UBE3C: variants seen among roughly 807,000 people sequenced by gnomAD.
The protein encoded by UBE3C is ubiquitin protein ligase E3C.
Under a neutral mutation model 129.4 loss-of-function variants are expected in UBE3C, and 42 were observed. That is an observed-to-expected ratio of 0.32 (90% CI 0.25 to 0.42). UBE3C has a LOEUF of 0.42. Among genes scored for constraint, UBE3C ranks in the 10% least tolerant of loss-of-function variants. UBE3C has a pLI of 1.00. For synonymous variants in UBE3C, 510 were observed against 492.4 expected (o/e 1.04, Z -0.47); for missense variants, 1,049 against 1,319.1 (o/e 0.80, Z 3.17).
intron 10 of UBE3C, among the ~76,000 whole-genome samples, chr7:157,199,715 C>T (rs1809227029): frequency 6.6e-6 from 1 of 152,088 alleles, no homozygotes; most frequent in Middle Eastern, 3.2e-3. Context: ...AAGTGATCCA[C>T]CCGCCTCAGC....
chr7:157,226,302 C>T (rs1193151234), intron 17 of UBE3C, among the ~76,000 whole-genome samples: 1 of 152,166 alleles, frequency 6.6e-6, no homozygotes, highest in Non-Finnish European at 1.5e-5. Flanking sequence ...GAGAATTATA[C>T]TGTGATAGCA....
At chr7:157,257,414 A>G (rs939582188) in intron 22 of UBE3C, among the ~76,000 whole-genome samples, 25 of 152,188 alleles carry the variant, frequency 1.6e-4, no homozygotes, top group African/African-American at 6.0e-4. Flanking sequence ...GATGGAGTGT[A>G]TATGCTACTG....
chr7:157,244,351 C>G (rs1330622635), intron 18 of UBE3C, among the ~76,000 whole-genome samples: 1 of 152,194 alleles, frequency 6.6e-6, no homozygotes, highest in African/African-American at 2.4e-5. Context: ...TTCCAACTTA[C>G]TAATTCTGAA....
chr7:157,261,170 G>A (rs556686400), intron 22 of UBE3C, among the ~76,000 whole-genome samples: 1 of 151,908 alleles, frequency 6.6e-6, no homozygotes, highest in Admixed American at 6.6e-5. Flanking sequence ...GCCGGGCATG[G>A]TGGTGCATGC....
rs141106567 is a variant in UBE3C, at chr7:157,260,039, C to T, written c.3081+2995C>T. Among the ~76,000 whole-genome samples the T allele has an allele frequency of 3.7e-3, 561 of 152,172 alleles. 5 individuals carry two copies. The highest frequency in any genetic ancestry group is 0.013 in the African/African-American group (532 of 41,528). ...TTCTGGAAGTAATGAATAATAAAGA[C>T]GTATAAACTTAAACGTGTTAGTGAA... On this transcript the variant is annotated intron_variant, in intron 22 of 22. Coordinates refer to ENST00000348165, the MANE Select transcript of UBE3C (RefSeq NM_014671.3).
intron 6 of UBE3C, among the ~76,000 whole-genome samples, chr7:157,181,120 A>G (rs1408840921): frequency 6.6e-6 from 1 of 152,248 alleles, no homozygotes; most frequent in Non-Finnish European, 1.5e-5. Flanking sequence ...ATGCAAGCAA[A>G]CTAGTTAAAT....
intron 1 of UBE3C, among the ~76,000 whole-genome samples, chr7:157,160,899 C>T (rs77446617): frequency 2.0e-5 from 3 of 152,090 alleles, no homozygotes; most frequent in East Asian, 1.9e-4. Flanking sequence ...GTCCATGATG[C>T]GTGTTTGTGC....
chr7:157,225,950 C>CA (rs1236793770), intron 17 of UBE3C, among the ~76,000 whole-genome samples: 2 of 151,006 alleles, frequency 1.3e-5, no homozygotes, highest in Non-Finnish European at 3.0e-5. Context: ...ACCCAGTCTC[C>CA]AAAAAAAAGT....
intron 17 of UBE3C, among the ~76,000 whole-genome samples, chr7:157,227,045 A>T (rs1795897404): frequency 6.6e-6 from 1 of 152,074 alleles, no homozygotes; most frequent in Non-Finnish European, 1.5e-5. Context: ...CTCCCACTTG[A>T]CCCTGGAGGT....
intron 10 of UBE3C, among the ~76,000 whole-genome samples, chr7:157,197,190 T>G (rs1809144543): frequency 6.6e-6 from 1 of 152,244 alleles, no homozygotes; most frequent in Admixed American, 6.5e-5. Flanking sequence ...CAGACAAATT[T>G]TCAACTTATT....
chr7:157,215,195 A>G (rs902560546), intron 13 of UBE3C, among the ~76,000 whole-genome samples: 1 of 152,184 alleles, frequency 6.6e-6, no homozygotes, highest in Non-Finnish European at 1.5e-5. Flanking sequence ...AATTGCTCGA[A>G]TAACACTTTT....
chr7:157,193,488 G>A (rs930106295), intron 10 of UBE3C, among the ~76,000 whole-genome samples: 14 of 152,080 alleles, frequency 9.2e-5, no homozygotes, highest in African/African-American at 2.2e-4. Flanking sequence ...GAGAGTCCCC[G>A]TGGAAAACTG....
In UBE3C at chr7:157,178,752, T is replaced by C. The variant is rs1442838798; in HGVS notation, c.521T>C (p.Val174Ala). 6.2e-6 allele frequency: 10 copies of C among 1,614,124 alleles called. No individual in the cohort carries two copies. The Admixed American group carries it at 1.0e-4, about 16-fold the overall frequency. ...NVALPMRMLE[V>A]FSSENTYLPV... ...GCACTTCCAATGAGAATGCTTGAAG[T>C]ATTTTCGTCTGAGAATACTTACTTG... Residue 174 changes from valine to alanine, a missense_variant, in exon 6 of 23, where the codon GTA (valine) becomes GCA (alanine). This residue lies in a region of UBE3C where 489 missense variants were observed against 513.8 expected (regional missense o/e 0.95). Coordinates refer to ENST00000348165, the MANE Select transcript of UBE3C (RefSeq NM_014671.3).
chr7:157,173,836 A>G (rs1808443917), intron 4 of UBE3C, among the ~76,000 whole-genome samples: 1 of 152,216 alleles, frequency 6.6e-6, no homozygotes, highest in African/African-American at 2.4e-5. Context: ...GGTGGCTCCA[A>G]ACACCTCAAG....
chr7:157,217,542 A>C (rs987055628), intron 14 of UBE3C, among the ~76,000 whole-genome samples: 4 of 152,208 alleles, frequency 2.6e-5, no homozygotes, highest in African/African-American at 9.6e-5. Flanking sequence ...ATACGTTAGT[A>C]AAAAATTTAA....
intron 13 of UBE3C, among the ~76,000 whole-genome samples, chr7:157,215,971 A>T (rs1033721961): frequency 2.0e-5 from 3 of 152,190 alleles, no homozygotes; most frequent in Admixed American, 6.5e-5. Flanking sequence ...TCACTGCACA[A>T]CAACCAGAGA....
At chr7:157,160,413 T>C (rs1808039274) in intron 1 of UBE3C, among the ~76,000 whole-genome samples, 1 of 152,162 alleles carries the variant, frequency 6.6e-6, no homozygotes, top group African/African-American at 2.4e-5. Context: ...TTTCATTGTA[T>C]TTAATTTGGG....
chr7:157,139,463 C>T (rs1240275116), intron 1 of UBE3C, 125 bp downstream of exon 1: 4 of 862,306 alleles, frequency 4.6e-6, no homozygotes, highest in Non-Finnish European at 6.3e-6. Flanking sequence ...TTCGGGGCCT[C>T]CCTGGCGGGG....
At chr7:157,239,602 G>C (rs1360513225) in intron 18 of UBE3C, among the ~76,000 whole-genome samples, 1 of 152,200 alleles carries the variant, frequency 6.6e-6, no homozygotes, top group Non-Finnish European at 1.5e-5. Context: ...GTTACAAGAG[G>C]AAGGATCGGA....
Sources: allele counts gnomAD v4.1 joint callset (sites outside exome capture counted in the v4.1 genomes callset), GRCh38; gene constraint gnomAD v4.1.1; regional missense constraint gnomAD v4.1.1; transcripts MANE v1.5; gene names NCBI Gene and HGNC (gene_info 2026-07-23, HGNC 2026-07-21).